GALNT13: variants seen among roughly 807,000 people sequenced by gnomAD.
GALNT13 encodes polypeptide N-acetylgalactosaminyltransferase 13.
In GALNT13, 28 loss-of-function variants were observed where a neutral mutation model predicts 64.2. That is an observed-to-expected ratio of 0.44 (90% CI 0.32 to 0.60). The LOEUF (loss-of-function observed/expected upper bound fraction) is 0.60. Among genes scored for constraint, GALNT13 ranks in the 20% least tolerant of loss-of-function variants. GALNT13 has a pLI of 0.05. For missense variants in GALNT13, 577 were observed against 669.8 expected, an observed-to-expected ratio of 0.86 and a Z score of 1.53; for synonymous variants, 214 against 224.6, an observed-to-expected ratio of 0.95 and a Z score of 0.42.
chr2:154,199,666 A>G (rs1305470568), intron 4 of GALNT13, among the ~76,000 whole-genome samples: 1 of 151,874 alleles, frequency 6.6e-6, no homozygotes, highest in Non-Finnish European at 1.5e-5. Flanking sequence ...GAATTTATCT[A>G]TTAGTAAAAA....
Position 153,965,749 on chromosome 2 carries a change from T to A in GALNT13, c.142+21110T>A, listed in dbSNP as rs186998944. Among the ~76,000 whole-genome samples, 11 of 151,688 alleles carry A rather than the reference T, an allele frequency of 7.3e-5. No individual in the cohort carries two copies. In the East Asian group the frequency reaches 2.1e-3, roughly 29 times the overall value. On this transcript the variant is annotated intron_variant, in intron 3 of 12. Transcript: ENST00000392825. ...TAGATATTATCTTATAATCAATGAT[T>A]TTAAAGCAATGACAACTTTTCTCTG...
chr2:153,568,379 G>C, the GALNT13 span, among the ~76,000 whole-genome samples: 148 of 152,074 alleles, frequency 9.7e-4, no homozygotes, highest in African/African-American at 3.4e-3. Context: ...TACCACACCT[G>C]GCACAAAGCT....
chr2:154,097,679 G>C (rs780556145), intron 3 of GALNT13, among the ~76,000 whole-genome samples: 3 of 124,140 alleles, frequency 2.4e-5, no homozygotes, highest in Non-Finnish European at 5.0e-5. Context: ...TTTGAAACTA[G>C]ACCTTGGCTC....
chr2:153,936,457 A>C (rs553858879), intron 2 of GALNT13, among the ~76,000 whole-genome samples: 1 of 152,080 alleles, frequency 6.6e-6, no homozygotes, highest in Non-Finnish European at 1.5e-5. Flanking sequence ...AGCAAATATG[A>C]CCCAGTTTAG....
chr2:154,410,600 G>C (rs969666544), intron 11 of GALNT13, among the ~76,000 whole-genome samples: 2 of 151,850 alleles, frequency 1.3e-5, no homozygotes, highest in Non-Finnish European at 2.9e-5. Flanking sequence ...AGGTAAAAAT[G>C]TGTTACTTGG....
intron 2 of GALNT13, among the ~76,000 whole-genome samples, chr2:153,909,022 T>G (rs1688767715): frequency 1.3e-5 from 2 of 152,102 alleles, no homozygotes; most frequent in African/African-American, 4.8e-5. Flanking sequence ...CTCCTATCCA[T>G]GAGATCCATG....
At chr2:153,499,346 A>C in the GALNT13 span, among the ~76,000 whole-genome samples, 1 of 152,258 alleles carries the variant, frequency 6.6e-6, no homozygotes, top group African/African-American at 2.4e-5. Flanking sequence ...TGGGCTTAGA[A>C]GGGAGGAAGT....
At chr2:154,014,351 C>T (rs1463101128) in intron 3 of GALNT13, among the ~76,000 whole-genome samples, 1 of 152,042 alleles carries the variant, frequency 6.6e-6, no homozygotes, top group African/African-American at 2.4e-5. Flanking sequence ...GTGGGCCACT[C>T]ATCACCTGTT....
chr2:154,154,209 GT>G (rs1684260885), intron 4 of GALNT13, among the ~76,000 whole-genome samples: 2 of 151,952 alleles, frequency 1.3e-5, no homozygotes. Flanking sequence ...AAATCTGATA[GT>G]TTTTTCCAAA....
At chr2:153,814,207 G>T in the GALNT13 span, among the ~76,000 whole-genome samples, 1 of 152,186 alleles carries the variant, frequency 6.6e-6, no homozygotes, top group East Asian at 1.9e-4. Flanking sequence ...TTAGGAAGCC[G>T]AGGTGGGCGG....
Position 153,944,378 on chromosome 2 carries a change from CT to C in GALNT13, c.-104-13del. On this transcript the variant is annotated splice_polypyrimidine_tract_variant and intron_variant, in intron 2 of 12. Coordinates refer to ENST00000392825, the MANE Select transcript of GALNT13 (RefSeq NM_052917.4). Reference sequence around the variant, plus strand: ...TGTGTACAATTAATGAAATTTTCTTCTTTGTTTTAATGCAGTGGAATGTATC... The same window carrying C: ...TGTGTACAATTAATGAAATTTTCTTCTTGTTTTAATGCAGTGGAATGTATC... 1.2e-6 allele frequency: 1 copy of C among 811,860 alleles called. No individual in the cohort carries two copies. Among genetic ancestry groups the C allele is most frequent in the Non-Finnish European group, 1.9e-6 (1 of 523,592 alleles). The allele number at this position is 811,860 out of a possible 1,614,324, so 50.3% of individuals were successfully genotyped here.
the GALNT13 span, among the ~76,000 whole-genome samples, chr2:153,154,641 G>A: frequency 2.0e-5 from 3 of 152,186 alleles, no homozygotes; most frequent in East Asian, 1.9e-4. Context: ...GCTTTGGGCC[G>A]AGAATGGGGT....
At chr2:153,271,373 A>T in the GALNT13 span, among the ~76,000 whole-genome samples, 1 of 152,332 alleles carries the variant, frequency 6.6e-6, no homozygotes, top group East Asian at 1.9e-4. Context: ...AGAAAACCCC[A>T]TCATCACAGC....
chr2:153,336,542 T>A, the GALNT13 span, among the ~76,000 whole-genome samples: 1 of 152,142 alleles, frequency 6.6e-6, no homozygotes, highest in Non-Finnish European at 1.5e-5. Context: ...TTTTGGACAA[T>A]TTCTCCCATT....
intron 9 of GALNT13, among the ~76,000 whole-genome samples, chr2:154,309,631 A>G (rs1376276093): frequency 6.6e-6 from 1 of 152,138 alleles, no homozygotes; most frequent in East Asian, 1.9e-4. Flanking sequence ...ACTCCATGAG[A>G]TGGCTTTAAT....
At chr2:154,404,668 C>A (rs1210683138) in intron 10 of GALNT13, among the ~76,000 whole-genome samples, 1 of 152,104 alleles carries the variant, frequency 6.6e-6, no homozygotes, top group African/African-American at 2.4e-5. Context: ...AGGGTCTGAA[C>A]AGTCTGCAGT....
chr2:153,084,730 C>G, the GALNT13 span, among the ~76,000 whole-genome samples: 1 of 152,280 alleles, frequency 6.6e-6, no homozygotes, highest in Admixed American at 6.5e-5. Flanking sequence ...TGAGGCCTCC[C>G]CAGCCATGCT....
At chr2:154,309,329 A>G (rs1455417781) in intron 9 of GALNT13, among the ~76,000 whole-genome samples, 2 of 152,008 alleles carry the variant, frequency 1.3e-5, no homozygotes, top group African/African-American at 4.8e-5. Context: ...TTCCAGATTC[A>G]CCTTCATCCA....
At chr2:153,276,911 C>T in the GALNT13 span, among the ~76,000 whole-genome samples, 1 of 152,070 alleles carries the variant, frequency 6.6e-6, no homozygotes, top group South Asian at 2.1e-4. Context: ...TTCAAGTAAT[C>T]AATATTTTCT....
Sources: gnomAD v4.1 joint callset for allele counts (sites outside exome capture counted in the v4.1 genomes callset) on GRCh38, gnomAD v4.1.1 for gene constraint, MANE v1.5 for transcripts, NCBI Gene and HGNC (gene_info 2026-07-23, HGNC 2026-07-21) for gene names.